Variants in DENND10 observed in about 807,000 individuals in gnomAD.
DENND10 encodes DENN domain containing 10.
In DENND10, 24 loss-of-function variants were observed where a neutral mutation model predicts 43.6. The ratio of observed to expected loss-of-function variants is 0.55; its 90% confidence interval spans 0.40 to 0.77. The LOEUF (loss-of-function observed/expected upper bound fraction) is 0.77, where lower values mean the gene tolerates loss of function less well. DENND10 is among the 30% of genes least tolerant of loss of function. The pLI, the probability that DENND10 is intolerant of heterozygous loss-of-function variation, is 0.00. For synonymous variants in DENND10, 125 were observed against 157.6 expected, an observed-to-expected ratio of 0.79 and a Z score of 1.55; for missense variants, 303 against 429.9, an observed-to-expected ratio of 0.70 and a Z score of 2.61.
chr10:119,123,970 T>A (rs1468212420), intron 6 of DENND10, among the ~76,000 whole-genome samples: 1 of 151,036 alleles, frequency 6.6e-6, no homozygotes, highest in Non-Finnish European at 1.5e-5. Flanking sequence ...GGTGGGCAGA[T>A]CACCTGAGGT....
chr10:119,112,373 G>A (rs1845017783), intron 3 of DENND10, among the ~76,000 whole-genome samples: 1 of 152,052 alleles, frequency 6.6e-6, no homozygotes, highest in African/African-American at 2.4e-5. Context: ...TGAGAAGCTA[G>A]GGAATTCTGA....
intron 3 of DENND10, among the ~76,000 whole-genome samples, chr10:119,115,120 A>G (rs1354301854): frequency 6.6e-6 from 1 of 152,062 alleles, no homozygotes; most frequent in Non-Finnish European, 1.5e-5. Context: ...TGGTAGTAAT[A>G]AAGCACATTT....
chr10:119,106,699 T>C (rs1844710665), intron 1 of DENND10, among the ~76,000 whole-genome samples: 1 of 152,216 alleles, frequency 6.6e-6, no homozygotes, highest in South Asian at 2.1e-4. Flanking sequence ...AATATTTCAC[T>C]ATTTTCTTCA....
intron 1 of DENND10, chr10:119,105,544 C>T: frequency 8.7e-7 from 1 of 1,147,986 alleles, no homozygotes; most frequent in Non-Finnish European, 1.1e-6. Context: ...TGCTTCAAAA[C>T]AAAACCTAAG....
intron 1 of DENND10, among the ~76,000 whole-genome samples, chr10:119,106,432 T>C (rs950242879): frequency 1.3e-5 from 2 of 152,116 alleles, no homozygotes; most frequent in Non-Finnish European, 2.9e-5. Flanking sequence ...CCTCTGAATC[T>C]TGGGCTAACT....
chr10:119,117,753 G>A, intron 4 of DENND10, 86 bp downstream of exon 4: 2 of 1,335,648 alleles, frequency 1.5e-6, no homozygotes, highest in South Asian at 1.3e-5. Flanking sequence ...GGATCACGAG[G>A]TCAGGAGATC....
intron 5 of DENND10, among the ~76,000 whole-genome samples, chr10:119,122,714 C>G (rs1033991630): frequency 1.3e-5 from 2 of 152,082 alleles, no homozygotes; most frequent in Non-Finnish European, 2.9e-5. Flanking sequence ...TCAGAGAAAT[C>G]TATGTCTTAG....
Position 119,121,688 on chromosome 10 carries a change from C to T in DENND10, c.593+1236C>T, listed in dbSNP as rs550364457. Among the ~76,000 whole-genome samples the T allele has an allele frequency of 1.2e-4, 18 of 151,444 alleles. No individual in the cohort carries two copies. The South Asian group carries it at 1.5e-3, about 12-fold the overall frequency. On this transcript the variant is annotated intron_variant, in intron 5 of 8. Coordinates refer to ENST00000361432, the MANE Select transcript of DENND10 (RefSeq NM_207009.4). ...CAAGATGGTCTCGATCTCTTGACCTCGTAATCTGCCCGTCTCGGCCTCCTG... is the reference window on the plus strand; with the variant it reads ...CAAGATGGTCTCGATCTCTTGACCTTGTAATCTGCCCGTCTCGGCCTCCTG...
intron 1 of DENND10, 25 bp from the exon 2 acceptor site, chr10:119,107,943 C>G: frequency 1.2e-6 from 2 of 1,608,788 alleles, no homozygotes; most frequent in South Asian, 1.1e-5. Context: ...TTGACATTCT[C>G]ACAGTGACCA....
In DENND10 at chr10:119,123,530, C is replaced by T. The variant is rs1353028385; in HGVS notation, c.655C>T (p.Leu219Phe). The T allele has an allele frequency of 1.2e-6, 2 of 1,613,626 alleles. No homozygotes were observed. Among genetic ancestry groups the T allele is most frequent in the Non-Finnish European group, 1.7e-6 (2 of 1,179,912 alleles). ...DWTILHSYVHLNADELEALQM... is the reference protein window; with the variant it reads ...DWTILHSYVHFNADELEALQM... ...GACCATCCTTCACTCTTACGTGCACCTCAACGCCGATGAGCTGGAAGCCCT... is the reference window on the plus strand; with the variant it reads ...GACCATCCTTCACTCTTACGTGCACTTCAACGCCGATGAGCTGGAAGCCCT... The change falls in exon 6 of 9, where the codon CTC becomes TTC. Residue 219 changes from leucine to phenylalanine, a missense_variant. Physicochemically the swap from Leu to Phe is conservative, Grantham distance 22. Transcript: ENST00000361432.
Position 119,136,643 on chromosome 10 carries a change from TCTGA to T in DENND10, c.1074_*3del, listed in dbSNP as rs777452992. 9.5e-6 allele frequency: 14 copies of T among 1,466,214 alleles called. No individual in the cohort carries two copies. In the African/African-American group the frequency reaches 1.0e-4, roughly 11 times the overall value. The allele number at this position is 1,466,214 out of a possible 1,614,324, so 90.8% of individuals were successfully genotyped here. A position where few individuals can be genotyped will look rare whatever the true frequency, so the allele number is the denominator to read the frequency against. On this transcript the variant is annotated frameshift_variant and stop_lost, in exon 9 of 9. Coordinates refer to ENST00000361432, the MANE Select transcript of DENND10 (RefSeq NM_207009.4). LOFTEE classifies it high-confidence loss of function. Reference sequence around the variant, plus strand: ...GCAGCAGCCGAACAAATGCTGAAAATCTGACTGTGTGACAGAACGTATCACTGAT... The same window carrying T: ...GCAGCAGCCGAACAAATGCTGAAAATCTGTGTGACAGAACGTATCACTGAT...
chr10:119,111,014 C>T (rs1006990539), intron 2 of DENND10, among the ~76,000 whole-genome samples: 1 of 151,976 alleles, frequency 6.6e-6, no homozygotes, highest in African/African-American at 2.4e-5. Context: ...GTAATCCCAG[C>T]ACTTTGGGAG....
rs550919623 is a variant in DENND10, at chr10:119,120,241, C to A, written c.482-100C>A. 1.2e-5 allele frequency: 8 copies of A among 672,252 alleles called. No homozygotes were observed. The African/African-American group carries it at 1.3e-4, about 11-fold the overall frequency. The allele number at this position is 672,252 out of a possible 1,614,324, so 41.6% of individuals were successfully genotyped here. On this transcript the variant is annotated intron_variant, in intron 4 of 8. Transcript: ENST00000361432. ...CCAGCCTGGGTGACAGAGTGAGACT[C>A]GGTCTCAAAAAAAAAAGAAAAAAGA...
At chr10:119,131,330 C>T (rs1050827418) in intron 7 of DENND10, among the ~76,000 whole-genome samples, 6 of 152,086 alleles carry the variant, frequency 3.9e-5, no homozygotes, top group Non-Finnish European at 5.9e-5. Flanking sequence ...TGGTGGCAGG[C>T]GCCTCTAGTC....
At chr10:119,130,275 C>T (rs919457119) in intron 7 of DENND10, among the ~76,000 whole-genome samples, 1 of 152,190 alleles carries the variant, frequency 6.6e-6, no homozygotes, top group Non-Finnish European at 1.5e-5. Context: ...ATTCTCCTGC[C>T]TCAGCTTCCC....
At chr10:119,133,691 T>C (rs1300289717) in intron 8 of DENND10, 7 of 152,338 alleles carry the variant, frequency 4.6e-5, no homozygotes. Flanking sequence ...AGAGGGGCCA[T>C]TTCTCTGCAG....
intron 6 of DENND10, 115 bp from the exon 7 acceptor site, chr10:119,129,400 C>A: frequency 1.5e-6 from 1 of 677,412 alleles, no homozygotes. Context: ...GCTAATGTTC[C>A]CGAATGAATA....
chr10:119,127,630 C>T (rs1269502215), intron 6 of DENND10, among the ~76,000 whole-genome samples: 1 of 150,168 alleles, frequency 6.7e-6, no homozygotes, highest in Non-Finnish European at 1.5e-5. Flanking sequence ...AGGCATGTGC[C>T]ACCATGCCCA....
At position 119,123,465 on chromosome 10, in the gene DENND10, C is replaced by T. The variant is rs773283969; in HGVS notation, c.594-4C>T. The T allele has an allele frequency of 1.2e-5, 20 of 1,612,552 alleles. No homozygotes were observed. In the East Asian group the frequency reaches 4.5e-4, roughly 36 times the overall value. On this transcript the variant is annotated splice_region_variant and splice_polypyrimidine_tract_variant and intron_variant, in intron 5 of 8. Coordinates refer to ENST00000361432, the MANE Select transcript of DENND10 (RefSeq NM_207009.4). ...CAACTTGAGTTCTTGCCTTGATTCC[C>T]CAGGACTCTGCCTGCCCTGGTGTGG...
Sources: gnomAD v4.1 joint callset for allele counts (sites outside exome capture counted in the v4.1 genomes callset) on GRCh38, gnomAD v4.1.1 for gene constraint, MANE v1.5 for transcripts, NCBI Gene and HGNC (gene_info 2026-07-23, HGNC 2026-07-21) for gene names.